Variants in TNIP1 observed in about 807,000 individuals in gnomAD.
TNIP1 encodes TNFAIP3-interacting protein 1.
TNIP1 carries 22 observed loss-of-function variants against 86.6 expected under a neutral mutation model. That is an observed-to-expected ratio of 0.25 (90% CI 0.18 to 0.36). The LOEUF (loss-of-function observed/expected upper bound fraction) is 0.36, where lower values mean the gene tolerates loss of function less well. Among genes scored for constraint, TNIP1 ranks in the 10% least tolerant of loss-of-function variants. The pLI, the probability that TNIP1 is intolerant of heterozygous loss-of-function variation, is 1.00. For missense variants in TNIP1, 709 were observed against 820.6 expected, an observed-to-expected ratio of 0.86 and a Z score of 1.66; for synonymous variants, 294 against 313.0, an observed-to-expected ratio of 0.94 and a Z score of 0.64.
intron 13 of TNIP1, 112 bp from the exon 14 acceptor site, chr5:151,035,819 G>T: frequency 7.1e-7 from 1 of 1,414,804 alleles, no homozygotes; most frequent in Non-Finnish European, 9.6e-7. Flanking sequence ...AGAGCTGGGG[G>T]TCGCCATGGG....
intron 7 of TNIP1, among the ~76,000 whole-genome samples, chr5:151,050,820 A>G (rs893772136): frequency 1.3e-5 from 2 of 149,246 alleles, no homozygotes; most frequent in Non-Finnish European, 3.0e-5. Flanking sequence ...GCACACCACC[A>G]CACCCAGCTA....
Position 151,065,050 on chromosome 5 carries a change from C to A in TNIP1, c.46G>T (p.Val16Leu). 6.2e-7 allele frequency: 1 copy of A among 1,614,156 alleles called. No homozygotes were observed. The highest frequency in any genetic ancestry group is 8.5e-7 in the Non-Finnish European group (1 of 1,180,010). ...PYRIYDPGGS[V>L]PSGEASAAFE... ...GCTGCGGATGCCTCTCCTGAGGGCA[C>A]GCTGCCCCCAGGGTCGTAGATCCGG... The change falls in exon 2 of 18, where the codon GTG (valine) becomes TTG (leucine). Residue 16 changes from valine to leucine, a missense_variant. By Grantham distance (32) the Val-to-Leu change is conservative. Coordinates refer to ENST00000521591, the MANE Select transcript of TNIP1 (RefSeq NM_006058.5).
chr5:151,058,470 C>T (rs1368223883), intron 5 of TNIP1, among the ~76,000 whole-genome samples: 1 of 152,250 alleles, frequency 6.6e-6, no homozygotes, highest in Non-Finnish European at 1.5e-5. Context: ...TGTTACCCTA[C>T]TGCAGACGGC....
chr5:151,067,850 T>C (rs1357333544), intron 1 of TNIP1, among the ~76,000 whole-genome samples: 1 of 152,160 alleles, frequency 6.6e-6, no homozygotes, highest in Non-Finnish European at 1.5e-5. Flanking sequence ...CCAGACGCAC[T>C]TGGACGCCCA....
intron 10 of TNIP1, 103 bp downstream of exon 10, chr5:151,042,793 C>T (rs968955935): frequency 6.3e-6 from 10 of 1,596,798 alleles, no homozygotes; most frequent in Middle Eastern, 2.1e-4. Flanking sequence ...CTGGGCCATA[C>T]TGGGGCTCAG....
At chr5:151,072,010 T>G (rs949962521) in intron 1 of TNIP1, among the ~76,000 whole-genome samples, 1 of 152,144 alleles carries the variant, frequency 6.6e-6, no homozygotes, top group Non-Finnish European at 1.5e-5. Flanking sequence ...CACACAGATA[T>G]GGAAATTATC....
At chr5:151,055,139 T>C (rs538969255) in intron 6 of TNIP1, among the ~76,000 whole-genome samples, 3 of 152,266 alleles carry the variant, frequency 2.0e-5, no homozygotes, top group African/African-American at 7.2e-5. Flanking sequence ...ACCAAGTGTG[T>C]ATGAAGTGCC....
At chr5:151,036,527 G>C (rs1757725326) in intron 13 of TNIP1, among the ~76,000 whole-genome samples, 1 of 152,076 alleles carries the variant, frequency 6.6e-6, no homozygotes, top group Non-Finnish European at 1.5e-5. Context: ...CATTTATTTA[G>C]AATTTATTTT....
At chr5:151,087,381 T>C (rs1764315674), upstream of TNIP1, among the ~76,000 whole-genome samples, 1 of 151,968 alleles carries the variant, frequency 6.6e-6, no homozygotes, top group Non-Finnish European at 1.5e-5. Flanking sequence ...GGGGGGGATC[T>C]GGGGAGAAGA....
chr5:151,079,420 T>C (rs932464318), intron 1 of TNIP1, among the ~76,000 whole-genome samples: 7 of 152,028 alleles, frequency 4.6e-5, no homozygotes, highest in Non-Finnish European at 1.0e-4. Context: ...GGTCAGGAGT[T>C]TGAGACCAGC....
chr5:151,042,968 GGA>G lies in TNIP1; in HGVS notation c.937-9_937-8del, dbSNP rs1384956013. 3 of 1,614,126 alleles carry G rather than the reference GGA, an allele frequency of 1.9e-6. No homozygotes were observed. The Admixed American group carries it at 5.0e-5, about 27-fold the overall frequency. Reference sequence around the variant, plus strand: ...GCTTGTTCACTTCCAGCAGCTGTGGGGAGAGACTGGAGTTAGCAGGAGATGAG... The same window carrying G: ...GCTTGTTCACTTCCAGCAGCTGTGGGGAGACTGGAGTTAGCAGGAGATGAG... On this transcript the variant is annotated splice_region_variant and splice_polypyrimidine_tract_variant and intron_variant, in intron 9 of 17. Coordinates refer to ENST00000521591, the MANE Select transcript of TNIP1 (RefSeq NM_006058.5).
Position 151,033,242 on chromosome 5 carries a change from A to G in TNIP1, c.1779+366T>C, listed in dbSNP as rs571261370. ...GGAGAGGAAAGGAAAGGAAAGAGAG[A>G]GAAACATGGTGAGGCTCTGGAACCT... On this transcript the variant is annotated intron_variant, in intron 16 of 17. Coordinates refer to ENST00000521591, the MANE Select transcript of TNIP1 (RefSeq NM_006058.5). Among the ~76,000 whole-genome samples the G allele has an allele frequency of 9.2e-5, 14 of 151,486 alleles. 1 individual carries two copies. In the South Asian group the frequency reaches 1.0e-3, roughly 11 times the overall value.
chr5:151,050,782 C>T (rs536832375), intron 7 of TNIP1, among the ~76,000 whole-genome samples: 31 of 152,170 alleles, frequency 2.0e-4, no homozygotes, highest in African/African-American at 6.7e-4. Flanking sequence ...CCACACACCC[C>T]CACCCTCTTG....
Position 151,030,838 on chromosome 5 carries a change from A to G in TNIP1, c.1877-91T>C, listed in dbSNP as rs1756792882. 4.5e-6 allele frequency: 5 copies of G among 1,114,436 alleles called. No individual in the cohort carries two copies. In the South Asian group the frequency reaches 6.0e-5, roughly 13 times the overall value. The allele number at this position is 1,114,436 out of a possible 1,614,324, so 69.0% of individuals were successfully genotyped here. On this transcript the variant is annotated intron_variant, in intron 17 of 17. Coordinates refer to ENST00000521591, the MANE Select transcript of TNIP1 (RefSeq NM_006058.5). ...GGAATGCAGTGCAGGAACAGTGAAA[A>G]TAACAGCTAGGGTTACTGGGTGCTA...
Position 151,055,182 on chromosome 5 carries a change from C to T in TNIP1, c.627+1584G>A, listed in dbSNP as rs570039195. Among the ~76,000 whole-genome samples the T allele has an allele frequency of 3.9e-5, 6 of 152,176 alleles. No individual in the cohort carries two copies. The South Asian group carries it at 1.2e-3, about 32-fold the overall frequency. On this transcript the variant is annotated intron_variant, in intron 6 of 17. Coordinates refer to ENST00000521591, the MANE Select transcript of TNIP1 (RefSeq NM_006058.5). ...GGGACGCAACAGTGAATACAACAGACATGGTGCCTGCCCCCCTCAAGCTTA... is the reference window on the plus strand; with the variant it reads ...GGGACGCAACAGTGAATACAACAGATATGGTGCCTGCCCCCCTCAAGCTTA...
At chr5:151,079,599 G>C (rs1032495939) in intron 1 of TNIP1, among the ~76,000 whole-genome samples, 1 of 148,296 alleles carries the variant, frequency 6.7e-6, no homozygotes, top group Non-Finnish European at 1.5e-5. Context: ...TCCAGCCTGG[G>C]TAACAGAGTG....
At chr5:151,047,702 G>C (rs555493282) in intron 8 of TNIP1, among the ~76,000 whole-genome samples, 1 of 151,336 alleles carries the variant, frequency 6.6e-6, no homozygotes, top group South Asian at 2.1e-4. Context: ...AAGGTTTAAA[G>C]GTTAAAAAAA....
At position 151,030,468 on chromosome 5, in the gene TNIP1, A is replaced by C. The variant is rs1225233489; in HGVS notation, c.*245T>G. The C allele has an allele frequency of 5.1e-6, 3 of 591,584 alleles. No homozygotes were observed. In the Admixed American group the frequency reaches 9.1e-5, roughly 18 times the overall value. The allele number at this position is 591,584 out of a possible 1,614,324, so 36.6% of individuals were successfully genotyped here. ...AGCCGGATGAGGCCTCTCTCCACTC[A>C]GCAGCAGGGAAGGAGTTTTTCCCAG... On this transcript the variant is annotated 3_prime_UTR_variant, in exon 18 of 18. Transcript: ENST00000521591.
At position 151,042,579 on chromosome 5, in the gene TNIP1, G is replaced by T. The variant is rs771060928; in HGVS notation, c.1095C>A (p.Arg365=). ...TCTTGGACTTGGCCAGGAGGAGCTT[G>T]CGGTCAAAGTCACGCTGCTTCTGCT... The part of the protein sequence containing the change: ...EREQKQRDFD[R]KLLLAKSKIE... The change falls in exon 11 of 18, where the codon CGC becomes CGA. Residue 365 remains arginine (R), a synonymous_variant. Coordinates refer to ENST00000521591, the MANE Select transcript of TNIP1 (RefSeq NM_006058.5). 6.2e-7 allele frequency: 1 copy of T among 1,613,694 alleles called. No individual in the cohort carries two copies. Among genetic ancestry groups the T allele is most frequent in the Non-Finnish European group, 8.5e-7 (1 of 1,180,022 alleles).
Sources: gnomAD v4.1 joint callset for allele counts (sites outside exome capture counted in the v4.1 genomes callset) on GRCh38, gnomAD v4.1.1 for gene constraint, MANE v1.5 for transcripts, NCBI Gene and HGNC (gene_info 2026-07-23, HGNC 2026-07-21) for gene names.